The following RIMS2 variants were observed in gnomAD, a reference collection of about 807,000 sequenced individuals.
The protein encoded by RIMS2 is regulating synaptic membrane exocytosis protein 2.
A neutral mutation model predicts 174.4 loss-of-function variants in RIMS2; 59 were observed. That is an observed-to-expected ratio of 0.34 (90% CI 0.27 to 0.42). The LOEUF is 0.42. Ranked by LOEUF, RIMS2 falls within the 10% of genes least tolerant of loss-of-function variation. The pLI, the probability that RIMS2 is intolerant of heterozygous loss-of-function variation, is 1.00. For missense variants in RIMS2, 1,620 were observed against 1,666.3 expected (o/e 0.97, Z 0.48); for synonymous variants, 606 against 572.5 (o/e 1.06, Z -0.84).
chr8:103,932,192 T>C (rs978201129), intron 12 of RIMS2, among the ~76,000 whole-genome samples: 9 of 152,216 alleles, frequency 5.9e-5, no homozygotes, highest in African/African-American at 2.2e-4. Context: ...ATCTCTTTAT[T>C]TTTTCTCAGG....
intron 12 of RIMS2, among the ~76,000 whole-genome samples, chr8:103,934,158 A>C (rs2080682279): frequency 1.3e-5 from 2 of 152,128 alleles, no homozygotes; most frequent in Non-Finnish European, 2.9e-5. Flanking sequence ...AATTACATTT[A>C]ATGGAAACCA....
intron 19 of RIMS2, among the ~76,000 whole-genome samples, chr8:104,102,185 G>A (rs1026546917): frequency 1.3e-5 from 2 of 152,006 alleles, no homozygotes; most frequent in African/African-American, 4.8e-5. Flanking sequence ...ATGTCCCAGG[G>A]GCATGCTAAG....
chr8:104,093,959 A>AT (rs2097709049), intron 19 of RIMS2, among the ~76,000 whole-genome samples: 1 of 151,868 alleles, frequency 6.6e-6, no homozygotes, highest in Non-Finnish European at 1.5e-5. Context: ...TGAGACTTGA[A>AT]TTTTTCATGT....
At chr8:104,130,671 A>G (rs1227534651) in intron 19 of RIMS2, among the ~76,000 whole-genome samples, 1 of 152,178 alleles carries the variant, frequency 6.6e-6, no homozygotes, top group Non-Finnish European at 1.5e-5. Flanking sequence ...CTAATTTCAC[A>G]TTACTGAGGA....
intron 19 of RIMS2, among the ~76,000 whole-genome samples, chr8:104,103,238 C>G (rs1456580681): frequency 6.6e-6 from 1 of 151,950 alleles, no homozygotes; most frequent in African/African-American, 2.4e-5. Context: ...GGAAAGGAGA[C>G]TGGAGAATGA....
intron 2 of RIMS2, among the ~76,000 whole-genome samples, chr8:103,762,802 T>C (rs1170606167): frequency 6.6e-6 from 1 of 152,186 alleles, no homozygotes; most frequent in Non-Finnish European, 1.5e-5. Context: ...TCTACACACC[T>C]AGGCTAGATG....
intron 17 of RIMS2, among the ~76,000 whole-genome samples, chr8:103,996,378 A>G (rs1391684853): frequency 2.6e-5 from 4 of 152,032 alleles, no homozygotes; most frequent in Non-Finnish European, 5.9e-5. Context: ...CACAATGAAC[A>G]TATGTTTTCC....
chr8:103,758,531 A>G (rs1156686751), intron 2 of RIMS2, among the ~76,000 whole-genome samples: 1 of 152,070 alleles, frequency 6.6e-6, no homozygotes, highest in African/African-American at 2.4e-5. Context: ...GTGAACATGA[A>G]TTTCAGTTTG....
At chr8:103,803,363 A>G (rs1450985938) in intron 3 of RIMS2, among the ~76,000 whole-genome samples, 4 of 152,136 alleles carry the variant, frequency 2.6e-5, no homozygotes, top group Admixed American at 6.6e-5. Context: ...TGGTTCTCAA[A>G]CTTTTTGGTC....
intron 1 of RIMS2, among the ~76,000 whole-genome samples, chr8:103,651,446 T>C (rs761978354): frequency 3.3e-5 from 5 of 152,244 alleles, no homozygotes; most frequent in South Asian, 2.1e-4. Context: ...GACTGTGAAT[T>C]TTAGATTTTT....
At chr8:103,790,847 G>T (rs1161164668) in intron 3 of RIMS2, among the ~76,000 whole-genome samples, 1 of 152,054 alleles carries the variant, frequency 6.6e-6, no homozygotes, top group Non-Finnish European at 1.5e-5. Context: ...GTAAAAAATG[G>T]ATCTATCCAA....
At chr8:103,870,473 C>T (rs1388202669) in intron 3 of RIMS2, among the ~76,000 whole-genome samples, 1 of 151,918 alleles carries the variant, frequency 6.6e-6, no homozygotes, top group Admixed American at 6.6e-5. Flanking sequence ...GTCTTCAAGC[C>T]CTCATACCCA....
At chr8:103,749,745 CT>C (rs754044590) in intron 2 of RIMS2, among the ~76,000 whole-genome samples, 3 of 152,026 alleles carry the variant, frequency 2.0e-5, no homozygotes, top group Non-Finnish European at 2.9e-5. Flanking sequence ...ATTTTCAGGC[CT>C]TTTTTTGTGA....
chr8:104,048,728 ATTTCT>A (rs980743384), intron 19 of RIMS2, among the ~76,000 whole-genome samples: 1 of 85,636 alleles, frequency 1.2e-5, no homozygotes, highest in African/African-American at 5.7e-5. Context: ...TTAGAAACAC[ATTTCT>A]TTTTTTGTAA....
chr8:103,595,339 A>G (rs1007875471), intron 1 of RIMS2, among the ~76,000 whole-genome samples: 6 of 151,826 alleles, frequency 4.0e-5, no homozygotes, highest in Admixed American at 1.3e-4. Context: ...AAAAGGTACA[A>G]TTTCTCATCT....
At chr8:103,556,135 T>G (rs538735882) in intron 1 of RIMS2, among the ~76,000 whole-genome samples, 1 of 152,290 alleles carries the variant, frequency 6.6e-6, no homozygotes, top group East Asian at 1.9e-4. Flanking sequence ...TATAACATGG[T>G]GACTATAGTT....
intron 19 of RIMS2, among the ~76,000 whole-genome samples, chr8:104,169,439 T>C (rs1461145573): frequency 6.6e-6 from 1 of 151,304 alleles, no homozygotes; most frequent in African/African-American, 2.4e-5. Flanking sequence ...AATTTACCCA[T>C]CTCCTCCAGA....
intron 19 of RIMS2, among the ~76,000 whole-genome samples, chr8:104,143,635 A>G (rs1026336294): frequency 6.6e-6 from 1 of 152,164 alleles, no homozygotes; most frequent in Non-Finnish European, 1.5e-5. Context: ...CAGGAATGCT[A>G]TTGTCTTCAA....
intron 2 of RIMS2, among the ~76,000 whole-genome samples, chr8:103,752,256 G>T (rs973412500): frequency 6.6e-6 from 1 of 152,056 alleles, no homozygotes; most frequent in Non-Finnish European, 1.5e-5. Context: ...AGATCAGATA[G>T]TTGTAGATAT....
Sources: allele counts gnomAD v4.1 joint callset (sites outside exome capture counted in the v4.1 genomes callset), GRCh38; gene constraint gnomAD v4.1.1; transcripts MANE v1.5; gene names NCBI Gene and HGNC (gene_info 2026-07-23, HGNC 2026-07-21).